TAF2: variants seen among roughly 807,000 people sequenced by gnomAD.
TAF2 encodes transcription initiation factor TFIID subunit 2.
A neutral mutation model predicts 138.5 loss-of-function variants in TAF2; 61 were observed. The observed-to-expected ratio is 0.44, with a 90% CI of 0.36 to 0.54. TAF2 has a LOEUF of 0.54. TAF2 is among the 20% of genes least tolerant of loss of function. The pLI is 0.00. For missense variants in TAF2, 1,090 were observed against 1,427.9 expected (o/e 0.76, Z 3.81); for synonymous variants, 475 against 469.9 (o/e 1.01, Z -0.14).
At chr8:119,793,962 T>C (rs2131179572) in intron 9 of TAF2, among the ~76,000 whole-genome samples, 1 of 152,080 alleles carries the variant, frequency 6.6e-6, no homozygotes, top group East Asian at 1.9e-4. Context: ...AGGGTTTTAC[T>C]CTGTCACCCA....
intron 18 of TAF2, among the ~76,000 whole-genome samples, chr8:119,764,720 A>G (rs1821306017): frequency 6.6e-6 from 1 of 152,216 alleles, no homozygotes; most frequent in South Asian, 2.1e-4. Flanking sequence ...CAAAGTAGAA[A>G]GAAGTATAAA....
At chr8:119,826,529 T>C (rs1826110568) in intron 2 of TAF2, among the ~76,000 whole-genome samples, 1 of 152,206 alleles carries the variant, frequency 6.6e-6, no homozygotes, top group African/African-American at 2.4e-5. Context: ...ATGACCAAGA[T>C]TACTTTCAGT....
Position 119,821,993 on chromosome 8 carries a change from C to T in TAF2, c.139-2487G>A, listed in dbSNP as rs140600729. Among the ~76,000 whole-genome samples, 266 of 151,888 alleles carry T rather than the reference C, an allele frequency of 1.8e-3. 1 individual carries two copies. Among genetic ancestry groups the T allele is most frequent in the African/African-American group, 5.7e-3 (235 of 41,416 alleles). ...GCTGCAGCGAGTCATGATTGTGACA[C>T]GGGTGACAGAGCAAGATCACATCTC... On this transcript the variant is annotated intron_variant, in intron 2 of 25. Transcript: ENST00000378164.
rs114339360 is a variant in TAF2 at position 119,792,440 on chromosome 8, C to T, written c.1277+926G>A. Among the ~76,000 whole-genome samples, 410 of 152,190 alleles carry T rather than the reference C, an allele frequency of 2.7e-3. 2 individuals carry two copies. Among genetic ancestry groups the T allele is most frequent in the African/African-American group, 9.2e-3 (382 of 41,540 alleles). Reference sequence around the variant, plus strand: ...TGCTGGGATTACAGGCATGAGCCCCCGCGCTGGGCCAGAAGAATTTCTACA... The same window carrying T: ...TGCTGGGATTACAGGCATGAGCCCCTGCGCTGGGCCAGAAGAATTTCTACA... On this transcript the variant is annotated intron_variant, in intron 10 of 25. Coordinates refer to ENST00000378164, the MANE Select transcript of TAF2 (RefSeq NM_003184.4).
In TAF2 at chr8:119,746,843, T is replaced by C; in HGVS notation, c.2970A>G (p.Pro990=). ...TTAGATTAAGAACCAACCCAAGCTC[T>C]GGCAAGGGTAAACAGGAAGGTCTAC... The part of the protein sequence containing the change: ...GLSRPSCLPL[P]ELGLVLNLKE... Residue 990 remains proline (P), a synonymous_variant, in exon 23 of 26, where the codon CCA becomes CCG. Transcript: ENST00000378164. 6.2e-7 allele frequency: 1 copy of C among 1,614,122 alleles called. No individual in the cohort carries two copies.
intron 2 of TAF2, 149 bp downstream of exon 2, chr8:119,831,528 G>C: frequency 1.9e-6 from 1 of 535,764 alleles, no homozygotes; most frequent in Admixed American, 3.0e-5. Flanking sequence ...CATGGAACTT[G>C]TAATCATACA....
Position 119,741,220 on chromosome 8 carries a change from C to T in TAF2, c.3337+1314G>A, listed in dbSNP as rs577682975. On this transcript the variant is annotated intron_variant, in intron 25 of 25. Coordinates refer to ENST00000378164, the MANE Select transcript of TAF2 (RefSeq NM_003184.4). ...TGCTTCTACATAGGTTAATGTGCCA[C>T]ACCGCTAAGAAAAACCAAATGTATT... Among the ~76,000 whole-genome samples the T allele has an allele frequency of 2.6e-5, 4 of 152,260 alleles. No individual in the cohort carries two copies. In the South Asian group the frequency reaches 8.3e-4, roughly 32 times the overall value.
intron 17 of TAF2, among the ~76,000 whole-genome samples, chr8:119,780,415 G>T (rs1822560112): frequency 1.3e-5 from 2 of 152,304 alleles, no homozygotes; most frequent in South Asian, 4.1e-4. Context: ...AGTGGACTGG[G>T]ACTAAAACTA....
chr8:119,783,734 A>T, intron 15 of TAF2, 101 bp from the exon 16 acceptor site: 3 of 1,411,112 alleles, frequency 2.1e-6, no homozygotes, highest in Non-Finnish European at 2.9e-6. Flanking sequence ...GTTTCCTTTT[A>T]GATGTAGTAT....
intron 17 of TAF2, among the ~76,000 whole-genome samples, chr8:119,779,566 A>G (rs1322288057): frequency 6.6e-6 from 1 of 152,146 alleles, no homozygotes; most frequent in Non-Finnish European, 1.5e-5. Flanking sequence ...TAAAAACAAA[A>G]TAACAGGATG....
chr8:119,780,720 G>A (rs1395368846), intron 17 of TAF2, among the ~76,000 whole-genome samples: 1 of 152,068 alleles, frequency 6.6e-6, no homozygotes, highest in Non-Finnish European at 1.5e-5. Context: ...CGGATCACAG[G>A]GTCAGGAGAT....
intron 14 of TAF2, among the ~76,000 whole-genome samples, chr8:119,787,806 C>G (rs943602536): frequency 6.6e-6 from 1 of 152,216 alleles, no homozygotes; most frequent in South Asian, 2.1e-4. Flanking sequence ...TATTGCAGCA[C>G]TGTTCACAAT....
chr8:119,756,178 G>A, intron 21 of TAF2, 63 bp from the exon 22 acceptor site: 4 of 1,164,006 alleles, frequency 3.4e-6, no homozygotes, highest in Non-Finnish European at 5.1e-6. Context: ...ATGAGTAGGA[G>A]ACAACATAAA....
At chr8:119,745,565 TG>T (rs1159303092) in intron 23 of TAF2, among the ~76,000 whole-genome samples, 1 of 152,156 alleles carries the variant, frequency 6.6e-6, no homozygotes, top group Non-Finnish European at 1.5e-5. Flanking sequence ...CATTTTAAAG[TG>T]TCAAAACACC....
chr8:119,802,050 A>T, intron 5 of TAF2, 25 bp from the exon 6 acceptor site: 2 of 1,569,958 alleles, frequency 1.3e-6, no homozygotes, highest in African/African-American at 2.7e-5. Flanking sequence ...GACAGTATAG[A>T]AAATGTATTC....
chr8:119,767,610 A>C (rs1366988176), intron 18 of TAF2, among the ~76,000 whole-genome samples: 1 of 152,222 alleles, frequency 6.6e-6, no homozygotes, highest in Non-Finnish European at 1.5e-5. Flanking sequence ...GCCCCTGAGC[A>C]GTCAGGTGCC....
chr8:119,799,761 CCCA>C (rs1824112340), intron 6 of TAF2, among the ~76,000 whole-genome samples: 1 of 152,198 alleles, frequency 6.6e-6, no homozygotes. Flanking sequence ...AGTTTACAGT[CCCA>C]CCAACAGTGT....
chr8:119,803,800 C>A, intron 5 of TAF2, 78 bp downstream of exon 5: 2 of 1,339,422 alleles, frequency 1.5e-6, no homozygotes, highest in Non-Finnish European at 2.1e-6. Flanking sequence ...TCTTGTTTTA[C>A]ACCAAATGTA....
intron 22 of TAF2, among the ~76,000 whole-genome samples, chr8:119,749,141 T>C (rs952626137): frequency 3.3e-5 from 5 of 152,178 alleles, no homozygotes; most frequent in African/African-American, 1.2e-4. Flanking sequence ...AGTATGTGTA[T>C]TTTGATGAGC....
Sources: gnomAD v4.1 joint callset for allele counts (sites outside exome capture counted in the v4.1 genomes callset) on GRCh38, gnomAD v4.1.1 for gene constraint, MANE v1.5 for transcripts, NCBI Gene and HGNC (gene_info 2026-07-23, HGNC 2026-07-21) for gene names.